The following TACC2 variants were observed in gnomAD, a reference collection of about 807,000 sequenced individuals.
TACC2 encodes transforming acidic coiled-coil-containing protein 2.
In TACC2, 137 loss-of-function variants were observed where a neutral mutation model predicts 227.3. The observed-to-expected ratio is 0.60, with a 90% CI of 0.52 to 0.69. TACC2 has a LOEUF of 0.69. Among genes scored for constraint, TACC2 ranks in the 30% least tolerant of loss-of-function variants. The pLI, the probability that TACC2 is intolerant of heterozygous loss-of-function variation, is 0.00. For synonymous variants in TACC2, 1,523 were observed against 1,487.5 expected (o/e 1.02, Z -0.55); for missense variants, 3,470 against 3,694.4 (o/e 0.94, Z 1.57).
At chr10:122,216,927 CA>C (rs1372294757) in intron 11 of TACC2, 99 bp downstream of exon 11, 3 of 1,599,794 alleles carry the variant, frequency 1.9e-6, no homozygotes, top group Non-Finnish European at 1.7e-6. Flanking sequence ...GCCAGGTAAC[CA>C]CGTGATCATC....
chr10:122,215,132 T>TC (rs1280579791), intron 9 of TACC2, among the ~76,000 whole-genome samples: 1 of 152,220 alleles, frequency 6.6e-6, no homozygotes, highest in African/African-American at 2.4e-5. Context: ...AGCTTCATTT[T>TC]CTGGGTCATT....
At chr10:122,100,224 A>G (rs1294584111) in intron 5 of TACC2, among the ~76,000 whole-genome samples, 1 of 150,618 alleles carries the variant, frequency 6.6e-6, no homozygotes, top group African/African-American at 2.4e-5. Flanking sequence ...AGATCGTGCC[A>G]TTGCACTCCA....
rs1487374539 is a variant in TACC2, at chr10:122,033,263, C to T, written c.33+11249C>T. The T allele has an allele frequency of 4.3e-5, 27 of 624,118 alleles. 1 individual carries two copies. The East Asian group carries it at 1.4e-3, about 32-fold the overall frequency. The allele number at this position is 624,118 out of a possible 1,614,324, so 38.7% of individuals were successfully genotyped here. ...GTGCATTTATATATTTAGGTTTTCT[C>T]CTCCTCCCTCTTCCATTGCTTCTTC... On this transcript the variant is annotated intron_variant, in intron 2 of 22. Coordinates refer to ENST00000369005, the MANE Select transcript of TACC2 (RefSeq NM_206862.4).
Position 122,210,371 on chromosome 10 carries a change from T to C in TACC2, c.5972-26T>C. On this transcript the variant is annotated intron_variant, in intron 8 of 22. Coordinates refer to ENST00000369005, the MANE Select transcript of TACC2 (RefSeq NM_206862.4). The surrounding 1 kb of genome is among the most constrained non-coding windows in gnomAD (Gnocchi z 4.6). ...CCCCAATGCGTCCTGTGTCTGTAAT[T>C]GATGGCGTTGTCTGTGTTTCCCCAG... 1 of 1,570,518 alleles carries C rather than the reference T, an allele frequency of 6.4e-7. No individual in the cohort carries two copies. Among genetic ancestry groups the C allele is most frequent in the South Asian group, 1.1e-5 (1 of 90,140 alleles).
chr10:122,225,790 C>T (rs1026001457), intron 12 of TACC2, among the ~76,000 whole-genome samples: 8 of 152,188 alleles, frequency 5.3e-5, no homozygotes, highest in African/African-American at 1.9e-4. Context: ...CAGAGCCACC[C>T]AGAGATTTCA....
At chr10:122,071,719 CAAAAA>C (rs145636754) in intron 3 of TACC2, among the ~76,000 whole-genome samples, 2 of 108,632 alleles carry the variant, frequency 1.8e-5, no homozygotes, top group African/African-American at 7.1e-5. Context: ...ACTAAAAATA[CAAAAA>C]AAAAAAAAAA....
At chr10:122,190,582 G>A (rs986834365) in intron 7 of TACC2, among the ~76,000 whole-genome samples, 4 of 152,152 alleles carry the variant, frequency 2.6e-5, no homozygotes, top group Non-Finnish European at 4.4e-5. Flanking sequence ...GATACCATTA[G>A]CACATTGATT....
In TACC2 at chr10:122,085,330, C is replaced by T; in HGVS notation, c.2830C>T (p.Leu944=). 1 of 1,614,058 alleles carries T rather than the reference C, an allele frequency of 6.2e-7. No homozygotes were observed. Residue 944 remains leucine, a synonymous_variant, in exon 4 of 23, where the codon CTA becomes TTA. Transcript: ENST00000369005. The stretch of plus-strand genomic sequence containing the variant: ...ACCAACGAGACAGAAGTTGCCTGCA[C>T]TAGGGGAGAAGCGGCCAGAGGGAGC... ...SAPTRQKLPA[L]GEKRPEGACG... is the part of the protein sequence containing the mutation.
intron 3 of TACC2, among the ~76,000 whole-genome samples, chr10:122,061,405 T>C (rs2076813013): frequency 6.6e-6 from 1 of 150,848 alleles, no homozygotes; most frequent in Non-Finnish European, 1.5e-5. Context: ...TAAGGTCAGG[T>C]GTGTCTGCCG....
At chr10:122,242,022 G>C (rs752281028) in intron 19 of TACC2, 21 bp downstream of exon 19, 1 of 1,611,884 alleles carries the variant, frequency 6.2e-7, no homozygotes, top group Non-Finnish European at 8.5e-7. Context: ...TGACCTGCGG[G>C]GGCTCAGGCC....
At chr10:122,238,105 G>A (rs1192563482) in intron 18 of TACC2, 68 bp downstream of exon 18, 3 of 1,279,136 alleles carry the variant, frequency 2.3e-6, no homozygotes, top group Non-Finnish European at 3.4e-6. Flanking sequence ...AATGACCGGA[G>A]CTGGTGTGGT....
intron 5 of TACC2, among the ~76,000 whole-genome samples, chr10:122,092,962 G>C (rs2080987058): frequency 6.6e-6 from 1 of 152,186 alleles, no homozygotes; most frequent in Non-Finnish European, 1.5e-5. Flanking sequence ...CCTGTTAGTG[G>C]AAGGTCTAGA....
Position 122,012,418 on chromosome 10 carries a change from C to CAAAAAAAAAAAA in TACC2, c.-45-9509_-45-9498dup, listed in dbSNP as rs752342348. On this transcript the variant is annotated intron_variant, in intron 1 of 22. Transcript: ENST00000369005. ...CTGGTGCCAGAGCAAGACTCCGTCT[C>CAAAAAAAAAAAA]AAAAAAAAAAAAAAAAAAAAAGATG... 1.5e-3 allele frequency among the ~76,000 whole-genome samples: 88 copies of CAAAAAAAAAAAA among 60,686 alleles called. 2 individuals carry two copies. The highest frequency in any genetic ancestry group is 4.2e-3 in the East Asian group (7 of 1,678). 39.8% of individuals were successfully genotyped at this position (60,686 alleles called of 152,430 possible). A position where few individuals can be genotyped will look rare whatever the true frequency, so the allele number is the denominator to read the frequency against.
At chr10:122,117,365 T>G (rs1463623836) in intron 5 of TACC2, among the ~76,000 whole-genome samples, 1 of 151,902 alleles carries the variant, frequency 6.6e-6, no homozygotes, top group African/African-American at 2.4e-5. Flanking sequence ...GGCTAATTTT[T>G]TGTATTTTTA....
intron 1 of TACC2, among the ~76,000 whole-genome samples, chr10:121,996,698 G>T (rs1953548130): frequency 6.6e-6 from 1 of 152,102 alleles, no homozygotes; most frequent in Admixed American, 6.6e-5. Context: ...AGAGAACGAG[G>T]TCCTCTAAAT....
In TACC2 at chr10:122,084,025, G is replaced by GT. The variant is rs1241814497; in HGVS notation, c.1526dup (p.Gln510ProfsTer16). Reference sequence around the variant, plus strand: ...CTTGAACACGGAGCAAAGCCATGAGGTCCAACCAGGAGTACCACCCCCTCC... The same window carrying GT: ...CTTGAACACGGAGCAAAGCCATGAGGTTCCAACCAGGAGTACCACCCCCTCC... On this transcript the variant is annotated frameshift_variant, in exon 4 of 23. Coordinates refer to ENST00000369005, the MANE Select transcript of TACC2 (RefSeq NM_206862.4). LOFTEE classifies it high-confidence loss of function. 1 of 1,613,788 alleles carries GT rather than the reference G, an allele frequency of 6.2e-7. No individual in the cohort carries two copies. Among genetic ancestry groups the GT allele is most frequent in the African/African-American group, 1.3e-5 (1 of 74,854 alleles).
chr10:122,082,775 G>T lies in TACC2; in HGVS notation c.275G>T (p.Gly92Val), dbSNP rs761069382. ...KDPQGARGPE[G>V]SLLPSPPPSQ... is the part of the protein sequence containing the mutation. ...CCACAGGGAGCCAGGGGGCCAGAAG[G>T]TTCTTTGCTGCCCAGCCCACCACCG... Residue 92 changes from glycine to valine, a missense_variant, in exon 4 of 23, where the codon GGT (glycine) becomes GTT (valine). Coordinates refer to ENST00000369005, the MANE Select transcript of TACC2 (RefSeq NM_206862.4). 6.2e-7 allele frequency: 1 copy of T among 1,613,814 alleles called. No individual in the cohort carries two copies. The highest frequency in any genetic ancestry group is 8.5e-7 in the Non-Finnish European group (1 of 1,180,012).
chr10:122,213,482 A>G (rs1306085745), intron 9 of TACC2: 1 of 1,196,914 alleles, frequency 8.4e-7, no homozygotes, highest in Non-Finnish European at 1.2e-6. Flanking sequence ...GCTGCTACTG[A>G]TGTGTTTCTG....
chr10:122,026,548 A>G (rs972987965), intron 2 of TACC2, among the ~76,000 whole-genome samples: 1 of 151,978 alleles, frequency 6.6e-6, no homozygotes, highest in Non-Finnish European at 1.5e-5. Context: ...TAGGTATTGC[A>G]CATTTTCTGG....
Sources: allele counts gnomAD v4.1 joint callset (sites outside exome capture counted in the v4.1 genomes callset), GRCh38; gene constraint gnomAD v4.1.1; non-coding constraint Gnocchi (gnomAD v3.1); transcripts MANE v1.5; gene names NCBI Gene and HGNC (gene_info 2026-07-23, HGNC 2026-07-21).